The following MYL1 variants were observed in gnomAD, a reference collection of about 807,000 sequenced individuals.
The protein encoded by MYL1 is myosin light chain 1/3, skeletal muscle isoform.
In MYL1, 16 loss-of-function variants were observed where a neutral mutation model predicts 21.8. The observed-to-expected ratio is 0.74, with a 90% CI of 0.50 to 1.12. The LOEUF is 1.12. Ranked by LOEUF, MYL1 falls within the 50% of genes most tolerant of loss-of-function variation. The pLI is 0.00. For synonymous variants in MYL1, 99 were observed against 85.2 expected (o/e 1.16, Z -0.89); for missense variants, 246 against 241.0 (o/e 1.02, Z -0.14).
intron 1 of MYL1, among the ~76,000 whole-genome samples, chr2:210,311,983 A>G (rs1301531979): frequency 6.6e-6 from 1 of 152,078 alleles, no homozygotes; most frequent in Non-Finnish European, 1.5e-5. Flanking sequence ...AATTTGTGTC[A>G]GAACAATTGA....
chr2:210,292,598 G>A (rs1394790291), intron 5 of MYL1, among the ~76,000 whole-genome samples: 1 of 150,552 alleles, frequency 6.6e-6, no homozygotes, highest in Non-Finnish European at 1.5e-5. Context: ...ACTTTGCTTT[G>A]GTGGCTTTTG....
At chr2:210,291,532 C>A (rs1690075608) in intron 5 of MYL1, among the ~76,000 whole-genome samples, 1 of 152,168 alleles carries the variant, frequency 6.6e-6, no homozygotes, top group Non-Finnish European at 1.5e-5. Context: ...GCTAAATTGA[C>A]AGAGCTGTTT....
intron 1 of MYL1, among the ~76,000 whole-genome samples, chr2:210,312,612 A>G (rs1157299699): frequency 6.6e-6 from 1 of 151,948 alleles, no homozygotes; most frequent in Non-Finnish European, 1.5e-5. Context: ...ATTTCATATT[A>G]ATGAATGCAA....
At chr2:210,298,786 C>A (rs1474080075) in intron 2 of MYL1, among the ~76,000 whole-genome samples, 17 of 152,118 alleles carry the variant, frequency 1.1e-4, no homozygotes, top group Non-Finnish European at 1.5e-5. Flanking sequence ...CTTTAAGTTG[C>A]CTGTTATTGT....
At chr2:210,302,799 T>A in intron 1 of MYL1, 1 of 1,560,914 alleles carries the variant, frequency 6.4e-7, no homozygotes, top group Non-Finnish European at 8.7e-7. Flanking sequence ...AGGACTGCAG[T>A]GGCGAAGAAG....
chr2:210,290,830 TC>T (rs1409696382), intron 6 of MYL1, among the ~76,000 whole-genome samples: 3 of 152,134 alleles, frequency 2.0e-5, no homozygotes, highest in Non-Finnish European at 2.9e-5. Context: ...AGCAAAAACC[TC>T]ATAGGTTTTT....
intron 1 of MYL1, among the ~76,000 whole-genome samples, chr2:210,311,131 A>G (rs926593710): frequency 2.6e-5 from 4 of 152,100 alleles, no homozygotes; most frequent in Admixed American, 2.6e-4. Flanking sequence ...AAAAAGCTTT[A>G]TAGATTTCAG....
chr2:210,294,426 A>C lies in MYL1; in HGVS notation c.305-8T>G. On this transcript the variant is annotated splice_region_variant and splice_polypyrimidine_tract_variant and intron_variant, in intron 3 of 6. Coordinates refer to ENST00000352451, the MANE Select transcript of MYL1 (RefSeq NM_079420.3). ...TTTTCTTGGCATTCAGCTCTGTAAG[A>C]AATTGCAATTTTGAGGGTTATTAGC... 1 of 1,611,444 alleles carries C rather than the reference A, an allele frequency of 6.2e-7. No individual in the cohort carries two copies. The highest frequency in any genetic ancestry group is 2.2e-5 in the East Asian group (1 of 44,768).
At position 210,293,803 on chromosome 2, in the gene MYL1, G is replaced by T. The variant is rs1362533771; in HGVS notation, c.479-3C>A. On this transcript the variant is annotated splice_region_variant and splice_polypyrimidine_tract_variant and intron_variant, in intron 4 of 6. Coordinates refer to ENST00000352451, the MANE Select transcript of MYL1 (RefSeq NM_079420.3). Reference sequence around the variant, plus strand: ...TTCTTCCTCTTTCATCTTTTCACCTGATGAAACAAAACTCTCCTTTCAGAA... The same window carrying T: ...TTCTTCCTCTTTCATCTTTTCACCTTATGAAACAAAACTCTCCTTTCAGAA... 1.2e-6 allele frequency: 2 copies of T among 1,613,482 alleles called. No homozygotes were observed. The highest frequency in any genetic ancestry group is 2.7e-5 in the African/African-American group (2 of 74,866).
At position 210,302,484 on chromosome 2, in the gene MYL1, T is replaced by G. The variant is rs763993934; in HGVS notation, c.160+4A>C. The G allele has an allele frequency of 3.7e-6, 6 of 1,608,550 alleles. No homozygotes were observed. Among genetic ancestry groups the G allele is most frequent in the Admixed American group, 1.7e-5 (1 of 58,582 alleles). ...CATTTAAGAACCATAGCTTTTAAAC[T>G]TACCATCCTGCTGTTCCTTAGAGAA... On this transcript the variant is annotated splice_donor_region_variant and intron_variant, in intron 2 of 6. Transcript: ENST00000352451.
intron 1 of MYL1, among the ~76,000 whole-genome samples, chr2:210,312,801 C>T (rs896849185): frequency 6.6e-6 from 1 of 151,802 alleles, no homozygotes; most frequent in Non-Finnish European, 1.5e-5. Context: ...TCCATCACAT[C>T]TCTTGTTCTG....
chr2:210,292,649 A>T (rs994246767), intron 5 of MYL1, among the ~76,000 whole-genome samples: 1 of 151,648 alleles, frequency 6.6e-6, no homozygotes, highest in African/African-American at 2.4e-5. Flanking sequence ...ATTTGTCAAG[A>T]TTTTCAATGC....
At chr2:210,312,914 A>G (rs999652191) in intron 1 of MYL1, among the ~76,000 whole-genome samples, 2 of 151,878 alleles carry the variant, frequency 1.3e-5, no homozygotes, top group Non-Finnish European at 3.0e-5. Flanking sequence ...TATCCTCACA[A>G]TATTACACAA....
intron 1 of MYL1, among the ~76,000 whole-genome samples, chr2:210,308,345 G>A (rs373034167): frequency 2.8e-5 from 4 of 140,992 alleles, no homozygotes; most frequent in East Asian, 4.1e-4. Flanking sequence ...AACTCAAGTC[G>A]AAGGAAATAA....
chr2:210,309,266 A>G (rs1690382847), intron 1 of MYL1, among the ~76,000 whole-genome samples: 1 of 151,700 alleles, frequency 6.6e-6, no homozygotes, highest in Non-Finnish European at 1.5e-5. Flanking sequence ...AGTCTGAAGT[A>G]ATTTAGATAA....
intron 3 of MYL1, among the ~76,000 whole-genome samples, chr2:210,295,676 G>A (rs1690162438): frequency 3.3e-5 from 5 of 151,238 alleles, no homozygotes; most frequent in African/African-American, 1.2e-4. Context: ...TTAAAATTAG[G>A]TTTGGCTGGG....
At chr2:210,300,486 G>C (rs1690247938) in intron 2 of MYL1, among the ~76,000 whole-genome samples, 1 of 152,038 alleles carries the variant, frequency 6.6e-6, no homozygotes, top group Non-Finnish European at 1.5e-5. Context: ...GAGTGGAGTT[G>C]TTTTTACAGA....
chr2:210,291,533 A>G (rs1021219901), intron 5 of MYL1, among the ~76,000 whole-genome samples: 5 of 152,346 alleles, frequency 3.3e-5, no homozygotes, highest in Admixed American at 2.0e-4. Context: ...CTAAATTGAC[A>G]GAGCTGTTTA....
chr2:210,301,125 A>G (rs1690259118), intron 2 of MYL1, among the ~76,000 whole-genome samples: 1 of 152,158 alleles, frequency 6.6e-6, no homozygotes, highest in South Asian at 2.1e-4. Flanking sequence ...TGTCACAACA[A>G]TTGTAAATTA....
Sources: allele counts gnomAD v4.1 joint callset (sites outside exome capture counted in the v4.1 genomes callset), GRCh38; gene constraint gnomAD v4.1.1; transcripts MANE v1.5; gene names NCBI Gene and HGNC (gene_info 2026-07-23, HGNC 2026-07-21).